DSCAML1: variants seen among roughly 807,000 people sequenced by gnomAD.
DSCAML1 encodes the protein cell adhesion molecule DSCAML1.
DSCAML1 carries 38 observed loss-of-function variants against 200.5 expected under a neutral mutation model. That is an observed-to-expected ratio of 0.19 (90% CI 0.15 to 0.25). DSCAML1 has a LOEUF of 0.25. Among genes scored for constraint, DSCAML1 ranks in the 10% least tolerant of loss-of-function variants. DSCAML1 has a pLI of 1.00. For synonymous variants in DSCAML1, 1,215 were observed against 1,165.0 expected, an observed-to-expected ratio of 1.04 and a Z score of -0.87; for missense variants, 2,223 against 2,858.8, an observed-to-expected ratio of 0.78 and a Z score of 5.07.
chr11:117,625,398 C>T (rs2052022929), intron 3 of DSCAML1, among the ~76,000 whole-genome samples: 1 of 152,190 alleles, frequency 6.6e-6, no homozygotes, highest in Non-Finnish European at 1.5e-5. Flanking sequence ...CACATTCATG[C>T]TAAGCTATAA....
At chr11:117,558,614 C>T (rs1258211171) in intron 3 of DSCAML1, among the ~76,000 whole-genome samples, 1 of 152,104 alleles carries the variant, frequency 6.6e-6, no homozygotes, top group African/African-American at 2.4e-5. Context: ...TGTAGCAGGA[C>T]GAGTCACAGA....
chr11:117,518,292 G>T lies in DSCAML1; in HGVS notation c.1510+174C>A. ...CAGACACACACACGCACACAAGAAT[G>T]GATGATGGCGCTTGAGGAGGGCAGG... On this transcript the variant is annotated intron_variant, in intron 7 of 32. Coordinates refer to ENST00000651296, the MANE Select transcript of DSCAML1 (RefSeq NM_020693.4). This position sits in a 1 kb window ranked among gnomAD's most constrained non-coding sequence, Gnocchi z 6.3. The T allele has an allele frequency of 1.2e-6, 1 of 801,918 alleles. No homozygotes were observed. Among genetic ancestry groups the T allele is most frequent in the Non-Finnish European group, 2.0e-6 (1 of 491,944 alleles). 49.7% of individuals were successfully genotyped at this position (801,918 alleles called of 1,614,324 possible). A position where few individuals can be genotyped will look rare whatever the true frequency, so the allele number is the denominator to read the frequency against.
rs918487822 is a variant in DSCAML1 at position 117,642,525 on chromosome 11, A to G, written c.512-110003T>C. Among the ~76,000 whole-genome samples the G allele has an allele frequency of 1.3e-5, 2 of 152,244 alleles. No individual in the cohort carries two copies. Among genetic ancestry groups the G allele is most frequent in the Non-Finnish European group, 2.9e-5 (2 of 68,046 alleles). ...CAAAGCCACAAAGGTGGCTGCTGGG[A>G]GAGCAGGGGCACCAGGTGCCTGGCG... On this transcript the variant is annotated intron_variant, in intron 3 of 32. Transcript: ENST00000651296. The surrounding 1 kb of genome is among the most constrained non-coding windows in gnomAD (Gnocchi z 4.1).
At chr11:117,811,810 C>T (rs1591527739) in intron 1 of DSCAML1, among the ~76,000 whole-genome samples, 1 of 152,304 alleles carries the variant, frequency 6.6e-6, no homozygotes, top group Non-Finnish European at 1.5e-5. Flanking sequence ...TTAAGTAACT[C>T]TCACAGTGGA....
Position 117,796,983 on chromosome 11 carries a change from G to T in DSCAML1, c.46+51C>A, listed in dbSNP as rs892150242. The T allele has an allele frequency of 3.2e-6, 4 of 1,254,588 alleles. No individual in the cohort carries two copies. The East Asian group carries it at 1.3e-4, about 41-fold the overall frequency. 77.7% of individuals were successfully genotyped at this position (1,254,588 alleles called of 1,614,324 possible). ...GGCACCCCGCCTCGCCGCCAGCCGC[G>T]CCACCCTGGCCCCGCCGCCTCCGCC... On this transcript the variant is annotated intron_variant, in intron 1 of 32. Transcript: ENST00000651296.
intron 3 of DSCAML1, among the ~76,000 whole-genome samples, chr11:117,596,446 G>A (rs558974356): frequency 4.0e-4 from 56 of 139,020 alleles, no homozygotes; most frequent in Admixed American, 2.8e-3. Flanking sequence ...ATATGTGTCC[G>A]GTTGAGGAGG....
chr11:117,655,536 A>G (rs1006096355), intron 3 of DSCAML1, among the ~76,000 whole-genome samples: 1 of 152,206 alleles, frequency 6.6e-6, no homozygotes, highest in Non-Finnish European at 1.5e-5. Flanking sequence ...TGTCTGGTGT[A>G]AAGTCAGTGC....
intron 3 of DSCAML1, among the ~76,000 whole-genome samples, chr11:117,602,335 T>C (rs530408453): frequency 6.6e-6 from 1 of 152,312 alleles, no homozygotes; most frequent in African/African-American, 2.4e-5. Flanking sequence ...TCCAGCTGCC[T>C]GTGACTCCTG....
chr11:117,742,228 C>T (rs142671609), intron 3 of DSCAML1, among the ~76,000 whole-genome samples: 9 of 152,284 alleles, frequency 5.9e-5, no homozygotes, highest in Non-Finnish European at 1.2e-4. Context: ...ACTGAGGAGG[C>T]CCATAGTGGT....
chr11:117,787,302 C>T (rs1477219879), intron 1 of DSCAML1, among the ~76,000 whole-genome samples: 1 of 152,192 alleles, frequency 6.6e-6, no homozygotes, highest in African/African-American at 2.4e-5. Context: ...AAGTGCCTGG[C>T]ACCACCTAAG....
At chr11:117,810,275 T>C (rs2055750320) in intron 1 of DSCAML1, among the ~76,000 whole-genome samples, 1 of 152,144 alleles carries the variant, frequency 6.6e-6, no homozygotes, top group South Asian at 2.1e-4. Flanking sequence ...CAGCGCCCTC[T>C]GGGGGAGGGG....
At chr11:117,441,121 AG>A (rs1199019639) in intron 21 of DSCAML1, among the ~76,000 whole-genome samples, 1 of 151,830 alleles carries the variant, frequency 6.6e-6, no homozygotes, top group African/African-American at 2.4e-5. Context: ...GACAAAACTT[AG>A]GGTCTGGCTG....
intron 3 of DSCAML1, among the ~76,000 whole-genome samples, chr11:117,567,788 A>C (rs1006167458): frequency 7.2e-5 from 11 of 152,190 alleles, no homozygotes; most frequent in Admixed American, 5.2e-4. Context: ...GAATTCTATC[A>C]GAGGTACAAG....
rs968664079 is a variant in DSCAML1, at chr11:117,760,350, C to T, written c.511+16441G>A. ...CCATCGCCTCCTCCTCAGAGGTAAGCGCTACCCTGAATATGGTGTTTATCA... is the reference window on the plus strand; with the variant it reads ...CCATCGCCTCCTCCTCAGAGGTAAGTGCTACCCTGAATATGGTGTTTATCA... On this transcript the variant is annotated intron_variant, in intron 3 of 32. Coordinates refer to ENST00000651296, the MANE Select transcript of DSCAML1 (RefSeq NM_020693.4). Among the ~76,000 whole-genome samples the T allele has an allele frequency of 3.9e-5, 6 of 152,216 alleles. No homozygotes were observed. The East Asian group carries it at 5.8e-4, about 15-fold the overall frequency.
chr11:117,662,248 A>G (rs1260262805), intron 3 of DSCAML1, among the ~76,000 whole-genome samples: 1 of 152,238 alleles, frequency 6.6e-6, no homozygotes, highest in African/African-American at 2.4e-5. Flanking sequence ...TATTCAGAGA[A>G]GAGAAGGCTG....
At chr11:117,753,445 T>C (rs2054634616) in intron 3 of DSCAML1, among the ~76,000 whole-genome samples, 1 of 152,222 alleles carries the variant, frequency 6.6e-6, no homozygotes, top group African/African-American at 2.4e-5. Context: ...TGCTCCGTTG[T>C]CAACCTGTGC....
At chr11:117,726,281 G>C (rs1176447867) in intron 3 of DSCAML1, among the ~76,000 whole-genome samples, 1 of 151,942 alleles carries the variant, frequency 6.6e-6, no homozygotes, top group East Asian at 1.9e-4. Flanking sequence ...GTGTGTGTGT[G>C]TGTGTGTGTG....
chr11:117,611,796 T>G (rs1252122790), intron 3 of DSCAML1: 1 of 152,292 alleles, frequency 6.6e-6, no homozygotes. Context: ...TTCAGTGCCC[T>G]TTCCCTCCTT....
At chr11:117,763,675 T>A (rs2054845447) in intron 3 of DSCAML1, among the ~76,000 whole-genome samples, 1 of 150,814 alleles carries the variant, frequency 6.6e-6, no homozygotes. Context: ...TGACACAGCC[T>A]CCCTTGCCCG....
Sources: gnomAD v4.1 joint callset for allele counts (sites outside exome capture counted in the v4.1 genomes callset) on GRCh38, gnomAD v4.1.1 for gene constraint, Gnocchi (gnomAD v3.1) non-coding constraint, MANE v1.5 for transcripts, NCBI Gene and HGNC (gene_info 2026-07-23, HGNC 2026-07-21) for gene names.